ZNF433: variants seen among roughly 807,000 people sequenced by gnomAD.
The protein encoded by ZNF433 is zinc finger protein 433.
Under a neutral mutation model 10.6 loss-of-function variants are expected in ZNF433, and 12 were observed. The observed-to-expected ratio is 1.13, with a 90% confidence interval of 0.72 to 1.83. The LOEUF is 1.83. ZNF433 is among the 40% of genes most tolerant of loss of function. The pLI is 0.00. For missense variants in ZNF433, 737 were observed against 798.0 expected, an observed-to-expected ratio of 0.92 and a Z score of 0.92; for synonymous variants, 272 against 271.3, an observed-to-expected ratio of 1.00 and a Z score of -0.02.
chr19:12,014,940 C>T lies in ZNF433; in HGVS notation c.1918G>A (p.Glu640Lys), dbSNP rs1568325865. 2 of 1,613,982 alleles carry T rather than the reference C, an allele frequency of 1.2e-6. No individual in the cohort carries two copies. The highest frequency in any genetic ancestry group is 1.7e-6 in the Non-Finnish European group (2 of 1,179,946). The change falls in exon 4 of 4, where the codon GAG (glutamate) becomes AAG (lysine). Residue 640 changes from glutamate (E) to lysine (K), a missense_variant. Coordinates refer to ENST00000550507, the MANE Select transcript of ZNF433 (RefSeq NM_001308348.2). ...LRRHGRTHTG[E>K]KPYKCNQCGK... ...CATTGGTTACATTTATAGGGTTTCT[C>T]TCCAGTGTGAGTCCTTCCATGCCTT...
intron 1 of ZNF433, chr19:12,026,456 G>T (rs1053349778): frequency 3.1e-6 from 1 of 326,740 alleles, no homozygotes; most frequent in Non-Finnish European, 6.0e-6. Context: ...TATGACAGTG[G>T]TGATCACCAT....
intron 1 of ZNF433, chr19:12,026,030 C>G (rs565751093): frequency 1.0e-4 from 16 of 152,390 alleles, no homozygotes; most frequent in African/African-American, 3.4e-4. Context: ...ATTTTTTGAG[C>G]CTGCCTAAAG....
At chr19:12,018,528 C>A in intron 1 of ZNF433, 1 of 374,714 alleles carries the variant, frequency 2.7e-6, no homozygotes, top group East Asian at 4.6e-5. Flanking sequence ...TTTGGTAAAT[C>A]CAGAAAGGTG....
At chr19:12,034,865 T>A (rs1376691390) in intron 1 of ZNF433, 1 of 454,254 alleles carries the variant, frequency 2.2e-6, no homozygotes, top group South Asian at 1.6e-5. Context: ...TCCCTGCAAT[T>A]CCTGTCTCCC....
Position 12,015,799 on chromosome 19 carries a change from G to C in ZNF433, c.1059C>G (p.His353Gln). 1.2e-6 allele frequency: 2 copies of C among 1,614,084 alleles called. No homozygotes were observed. Among genetic ancestry groups the C allele is most frequent in the Non-Finnish European group, 1.7e-6 (2 of 1,180,024 alleles). ...ATATCTCTCCAGTGTGCATTCCCAA[G>C]TGGTTTTGAAAGCTGGTAAGATAAG... Reference protein sequence around the residue: ...VLSYLTSFQNHLGMHTGEISH... With the variant: ...VLSYLTSFQNQLGMHTGEISH... The change falls in exon 4 of 4, where the codon CAC becomes CAG. Residue 353 changes from histidine to glutamine, a missense_variant. Coordinates refer to ENST00000550507, the MANE Select transcript of ZNF433 (RefSeq NM_001308348.2).
rs775996336 is a variant in ZNF433, at chr19:12,016,540, A to G, written c.318T>C (p.Tyr106=). ...ATGAATGAGCACTGCCTACTTCTCC[A>G]TACACACTGCTTTCGCATGATTTTA... ...TGVKSCESSV[Y]GEVGSAHSSL... Residue 106 remains tyrosine (Y), a synonymous_variant, in exon 4 of 4, where the codon TAT becomes TAC. Coordinates refer to ENST00000550507, the MANE Select transcript of ZNF433 (RefSeq NM_001308348.2). The G allele has an allele frequency of 4.3e-6, 7 of 1,614,150 alleles. No homozygotes were observed. The highest frequency in any genetic ancestry group is 2.2e-5 in the East Asian group (1 of 44,878).
chr19:12,035,506 C>G (rs1975249870), intron 1 of ZNF433, 31 bp downstream of exon 1: 2 of 1,567,580 alleles, frequency 1.3e-6, no homozygotes, highest in Middle Eastern at 3.3e-4. Flanking sequence ...AGCTCCTCCC[C>G]CGCCTCGGGA....
rs1399243233 is a variant in ZNF433, at chr19:12,017,186, G to A, written c.192-520C>T. ...AGATGATAGAAGGCTTCTGAATACT[G>A]TTTTTTGGTTTTTTTTGTTTTGTTT... is the stretch of plus-strand genomic sequence containing the variant. On this transcript the variant is annotated intron_variant, in intron 3 of 3. Coordinates refer to ENST00000550507, the MANE Select transcript of ZNF433 (RefSeq NM_001308348.2). Among the ~76,000 whole-genome samples the A allele has an allele frequency of 3.9e-5, 6 of 151,976 alleles. No homozygotes were observed. In the East Asian group the frequency reaches 9.7e-4, roughly 25 times the overall value.
Position 12,015,283 on chromosome 19 carries a change from G to A in ZNF433, c.1575C>T (p.His525=). 6.2e-7 allele frequency: 1 copy of A among 1,614,120 alleles called. No individual in the cohort carries two copies. The stretch of plus-strand genomic sequence containing the variant: ...TGCATTCATAGGGTTTCTCTCCAGT[G>A]TGAGTCCTTCCATGATATCGAAAGG... ...SSSFRYHGRT[H]TGEKPYECKQ... Residue 525 remains histidine (H), a synonymous_variant, in exon 4 of 4, where the codon CAC becomes CAT. Transcript: ENST00000550507.
intron 1 of ZNF433, chr19:12,022,121 G>A (rs952669414): frequency 2.3e-6 from 1 of 428,270 alleles, no homozygotes; most frequent in African/African-American, 2.0e-5. Flanking sequence ...AATGAAGACT[G>A]TTGGTTTACC....
chr19:12,020,304 TTGAA>T (rs1974422553), intron 1 of ZNF433, among the ~76,000 whole-genome samples: 1 of 151,988 alleles, frequency 6.6e-6, no homozygotes, highest in African/African-American at 2.4e-5. Flanking sequence ...GCAAAAGTAT[TTGAA>T]TGACATTTCT....
chr19:12,030,545 G>A (rs879425517), intron 1 of ZNF433, among the ~76,000 whole-genome samples: 6 of 152,058 alleles, frequency 3.9e-5, no homozygotes, highest in Non-Finnish European at 7.3e-5. Context: ...AAGTCACCCG[G>A]TTTATGGGAA....
In ZNF433 at chr19:12,016,242, A is replaced by C; in HGVS notation, c.616T>G (p.Phe206Val). 1 of 1,614,198 alleles carries C rather than the reference A, an allele frequency of 6.2e-7. No homozygotes were observed. Among genetic ancestry groups the C allele is most frequent in the Non-Finnish European group, 8.5e-7 (1 of 1,180,028 alleles). The change falls in exon 4 of 4, where the codon TTT becomes GTT. Residue 206 changes from phenylalanine to valine, a missense_variant. Coordinates refer to ENST00000550507, the MANE Select transcript of ZNF433 (RefSeq NM_001308348.2). Reference protein sequence around the residue: ...KCKFCGKALMFLSLYLIHKRT... With the variant: ...KCKFCGKALMVLSLYLIHKRT... ...TTGTGGATAAGATACAAACTGAGAA[A>C]CATCAAGGCTTTCCCACAAAATTTA...
chr19:12,016,322 T>A lies in ZNF433; in HGVS notation c.536A>T (p.His179Leu). 1 of 1,614,230 alleles carries A rather than the reference T, an allele frequency of 6.2e-7. No homozygotes were observed. The highest frequency in any genetic ancestry group is 8.5e-7 in the Non-Finnish European group (1 of 1,180,034). The stretch of plus-strand genomic sequence containing the variant: ...TATCCTGTGTCTTTGAAGGTTTGAA[T>A]GGGAAATAAATGTTTTTCCGCATTC... ...CEECGKTFIS[H>L]SNLQRHRIMH... Residue 179 changes from histidine to leucine, a missense_variant, in exon 4 of 4, where the codon CAT becomes CTT. Transcript: ENST00000550507.
rs776199468 is a variant in ZNF433 at position 12,016,494 on chromosome 19, C to A, written c.364G>T (p.Asp122Tyr). Reference sequence around the variant, plus strand: ...TCATATGCCTTGTGTCCAGTGTCATCTCTGATGTGCCTATTAAGAGATGAA... The same window carrying A: ...TCATATGCCTTGTGTCCAGTGTCATATCTGATGTGCCTATTAAGAGATGAA... ...AHSSLNRHIRDDTGHKAYEYQ... is the reference protein window; with the variant it reads ...AHSSLNRHIRYDTGHKAYEYQ... Residue 122 changes from aspartate (D) to tyrosine (Y), a missense_variant, in exon 4 of 4, where the codon GAT becomes TAT. Transcript: ENST00000550507. 6 of 1,614,142 alleles carry A rather than the reference C, an allele frequency of 3.7e-6. No homozygotes were observed. The highest frequency in any genetic ancestry group is 5.1e-6 in the Non-Finnish European group (6 of 1,180,024).
chr19:12,033,361 T>C (rs1975120415), intron 1 of ZNF433, among the ~76,000 whole-genome samples: 1 of 152,118 alleles, frequency 6.6e-6, no homozygotes, highest in South Asian at 2.1e-4. Flanking sequence ...CCTCCCAAAG[T>C]GTTGGGATTA....
At chr19:12,019,103 AAGG>A (rs1974362844) in intron 1 of ZNF433, among the ~76,000 whole-genome samples, 4 of 151,510 alleles carry the variant, frequency 2.6e-5, no homozygotes, top group Admixed American at 1.3e-4. Flanking sequence ...TCTCAACAAA[AAGG>A]CAAACATTTA....
At position 12,015,030 on chromosome 19, in the gene ZNF433, T is replaced by C. The variant is rs1974089169; in HGVS notation, c.1828A>G (p.Thr610Ala). 1 of 1,613,978 alleles carries C rather than the reference T, an allele frequency of 6.2e-7. No homozygotes were observed. The highest frequency in any genetic ancestry group is 8.5e-7 in the Non-Finnish European group (1 of 1,179,964). ...TTACATTTATACGGTTTCTCTCCAG[T>C]GTGAGTCCTTCCATGCATTTGAAGT... ...SRLQMHGRTH[T>A]GEKPYKCKQC... The change falls in exon 4 of 4, where the codon ACT (threonine) becomes GCT (alanine). Residue 610 changes from threonine to alanine, a missense_variant. Transcript: ENST00000550507.
chr19:12,019,539 AAAAT>A (rs1974384736), intron 1 of ZNF433, among the ~76,000 whole-genome samples: 1 of 152,216 alleles, frequency 6.6e-6, no homozygotes, highest in African/African-American at 2.4e-5. Context: ...AGTGCCTAAA[AAAAT>A]AAAATTACTG....
Sources: gnomAD v4.1 joint callset for allele counts (sites outside exome capture counted in the v4.1 genomes callset) on GRCh38, gnomAD v4.1.1 for gene constraint, MANE v1.5 for transcripts, NCBI Gene and HGNC (gene_info 2026-07-23, HGNC 2026-07-21) for gene names.